Variants in SLMAP observed in about 807,000 individuals in gnomAD.
SLMAP encodes the protein sarcolemma associated protein.
In SLMAP, 44 loss-of-function variants were observed where a neutral mutation model predicts 128.8. That is an observed-to-expected ratio of 0.34 (90% CI 0.27 to 0.44). SLMAP has a LOEUF of 0.44. Ranked by LOEUF, SLMAP falls within the 20% of genes least tolerant of loss-of-function variation. SLMAP has a pLI of 1.00. For synonymous variants in SLMAP, 327 were observed against 348.8 expected (o/e 0.94, Z 0.70); for missense variants, 787 against 985.3 (o/e 0.80, Z 2.69).
intron 13 of SLMAP, among the ~76,000 whole-genome samples, chr3:57,866,810 G>A (rs2095315181): frequency 6.6e-6 from 1 of 152,078 alleles, no homozygotes; most frequent in Admixed American, 6.6e-5. Context: ...CTTGAGCCCA[G>A]GAGGTCGAGG....
At chr3:57,909,013 T>C (rs2096630696) in intron 18 of SLMAP, 63 bp from the exon 19 acceptor site, 8 of 1,173,376 alleles carry the variant, frequency 6.8e-6, no homozygotes, top group Non-Finnish European at 9.9e-6. Context: ...TTTCAGCTGC[T>C]CAACTCTGAG....
rs149846388 is a variant in SLMAP at position 57,786,258 on chromosome 3, T to A, written c.198+28409T>A. ...ATGGCAGCTCTGTCCATAGTTGTTC[T>A]CCTTTCAGGGGTTCAGGCTGAAGGA... is the stretch of plus-strand genomic sequence containing the variant. On this transcript the variant is annotated intron_variant, in intron 2 of 24. Coordinates refer to ENST00000671191, the MANE Select transcript of SLMAP (RefSeq NM_001377540.1). Among the ~76,000 whole-genome samples the A allele has an allele frequency of 9.2e-5, 14 of 152,306 alleles. No individual in the cohort carries two copies. The East Asian group carries it at 2.7e-3, about 29-fold the overall frequency.
chr3:57,839,728 T>G (rs1210740945), intron 3 of SLMAP, among the ~76,000 whole-genome samples: 1 of 152,104 alleles, frequency 6.6e-6, no homozygotes, highest in Non-Finnish European at 1.5e-5. Context: ...CTCAGCCTCC[T>G]GAGTAGCTGG....
chr3:57,922,621 G>A (rs2096938180), intron 22 of SLMAP, among the ~76,000 whole-genome samples: 1 of 151,976 alleles, frequency 6.6e-6, no homozygotes, highest in Admixed American at 6.6e-5. Flanking sequence ...TAGAGATGGG[G>A]TTTCTTCATG....
chr3:57,904,907 A>C lies in SLMAP; in HGVS notation c.1502-2977A>C, dbSNP rs113282112. 2.9e-3 allele frequency among the ~76,000 whole-genome samples: 440 copies of C among 152,230 alleles called. 3 individuals are homozygous for C. The highest frequency in any genetic ancestry group is 0.01 in the African/African-American group (421 of 41,506). On this transcript the variant is annotated intron_variant, in intron 17 of 24. Coordinates refer to ENST00000671191, the MANE Select transcript of SLMAP (RefSeq NM_001377540.1). ...CATAGCAAGACCCCATCTCTACAAA[A>C]AATTAAAAATTTTGCTGGGCATGGT...
In SLMAP at chr3:57,907,937, C is replaced by T; in HGVS notation, c.1555C>T (p.Leu519Phe). The T allele has an allele frequency of 6.2e-7, 1 of 1,613,876 alleles. No individual in the cohort carries two copies. Among genetic ancestry groups the T allele is most frequent in the South Asian group, 1.1e-5 (1 of 91,072 alleles). ...TGAGGCAAAGCAAGAAATACAGCATCTTCGAAAGGAATTGATCGAAGCCCA... is the reference window on the plus strand; with the variant it reads ...TGAGGCAAAGCAAGAAATACAGCATTTTCGAAAGGAATTGATCGAAGCCCA... The part of the protein sequence containing the change: ...EIEAKQEIQH[L>F]RKELIEAQEL... Residue 519 changes from leucine (L) to phenylalanine (F), a missense_variant, in exon 18 of 25, where the codon CTT becomes TTT. Physicochemically the swap from Leu to Phe is conservative, Grantham distance 22 (BLOSUM62 0). This residue lies in a region of SLMAP where 715 missense variants were observed against 843.6 expected (regional missense o/e 0.85). Coordinates refer to ENST00000671191, the MANE Select transcript of SLMAP (RefSeq NM_001377540.1).
intron 2 of SLMAP, among the ~76,000 whole-genome samples, chr3:57,773,056 G>T (rs573182936): frequency 6.6e-6 from 1 of 152,172 alleles, no homozygotes; most frequent in South Asian, 2.1e-4. Context: ...AAACGACAGC[G>T]TGTGTCATTT....
chr3:57,784,430 T>C (rs1409311053), intron 2 of SLMAP, among the ~76,000 whole-genome samples: 1 of 152,160 alleles, frequency 6.6e-6, no homozygotes, highest in Non-Finnish European at 1.5e-5. Flanking sequence ...TTGTTGTTTT[T>C]CTTGGGACCA....
intron 3 of SLMAP, among the ~76,000 whole-genome samples, chr3:57,838,212 C>T (rs962266016): frequency 2.0e-5 from 3 of 152,170 alleles, no homozygotes; most frequent in Admixed American, 6.5e-5. Flanking sequence ...GCTGGATCTT[C>T]ATGTTGTATT....
chr3:57,822,102 T>A (rs1186954791), intron 2 of SLMAP, among the ~76,000 whole-genome samples: 1 of 152,116 alleles, frequency 6.6e-6, no homozygotes, highest in Non-Finnish European at 1.5e-5. Flanking sequence ...TCCATATGAT[T>A]TTATGGATGT....
intron 3 of SLMAP, among the ~76,000 whole-genome samples, chr3:57,838,879 G>GAGCC (rs1301393514): frequency 2.0e-5 from 3 of 152,178 alleles, no homozygotes; most frequent in Non-Finnish European, 4.4e-5. Flanking sequence ...AGGAATGAAG[G>GAGCC]AGCCCAGTGG....
Position 57,757,361 on chromosome 3 carries a change from C to T in SLMAP, c.-291C>T, listed in dbSNP as rs1321541724. Reference sequence around the variant, plus strand: ...AGGAGTTTTCTTGGCCGAAGCTGCCCGATGTTTGAGCCTTTTCTTCCCAGA... The same window carrying T: ...AGGAGTTTTCTTGGCCGAAGCTGCCTGATGTTTGAGCCTTTTCTTCCCAGA... On this transcript the variant is annotated 5_prime_UTR_variant, in exon 2 of 25. The change creates a premature stop within an existing upstream ORF in the 5' untranslated region. Coordinates refer to ENST00000671191, the MANE Select transcript of SLMAP (RefSeq NM_001377540.1). 4 of 475,066 alleles carry T rather than the reference C, an allele frequency of 8.4e-6. No individual in the cohort carries two copies. Among genetic ancestry groups the T allele is most frequent in the Admixed American group, 7.0e-5 (2 of 28,744 alleles). The allele number at this position is 475,066 out of a possible 1,614,324, so 29.4% of individuals were successfully genotyped here.
At chr3:57,792,807 A>T (rs1267766787) in intron 2 of SLMAP, among the ~76,000 whole-genome samples, 3 of 152,268 alleles carry the variant, frequency 2.0e-5, no homozygotes, top group East Asian at 1.9e-4. Flanking sequence ...AAATGTAAAA[A>T]GTCTGGGCTA....
At chr3:57,832,042 G>A (rs536447265) in intron 3 of SLMAP, among the ~76,000 whole-genome samples, 12 of 152,328 alleles carry the variant, frequency 7.9e-5, no homozygotes, top group African/African-American at 2.2e-4. Context: ...AGGATGAGGC[G>A]GGGATAAAAT....
At position 57,833,586 on chromosome 3, in the gene SLMAP, ATT is replaced by A. The variant is rs1331984403; in HGVS notation, c.346+2060_346+2061del. 2.0e-5 allele frequency among the ~76,000 whole-genome samples: 3 copies of A among 151,990 alleles called. No homozygotes were observed. In the East Asian group the frequency reaches 5.8e-4, roughly 30 times the overall value. ...AGGTGCATGCCACCATGCCCAGCTAATTTTTGTATTTCTAGTAGAGACGGGGT... is the reference window on the plus strand; with the variant it reads ...AGGTGCATGCCACCATGCCCAGCTAATTTGTATTTCTAGTAGAGACGGGGT... On this transcript the variant is annotated intron_variant, in intron 3 of 24. Coordinates refer to ENST00000671191, the MANE Select transcript of SLMAP (RefSeq NM_001377540.1).
chr3:57,864,959 A>G (rs139852135), intron 12 of SLMAP, 102 bp downstream of exon 12: 3 of 917,792 alleles, frequency 3.3e-6, no homozygotes, highest in Non-Finnish European at 3.3e-6. Flanking sequence ...TGTTTTATGT[A>G]TTAGGTATAA....
chr3:57,803,143 A>G (rs1229305202), intron 2 of SLMAP, among the ~76,000 whole-genome samples: 1 of 152,208 alleles, frequency 6.6e-6, no homozygotes, highest in East Asian at 1.9e-4. Context: ...GAGCATCTAA[A>G]TAAACATTGA....
At chr3:57,902,234 CT>C (rs1208553329) in intron 17 of SLMAP, 1 of 151,854 alleles carries the variant, frequency 6.6e-6, no homozygotes, top group African/African-American at 2.4e-5. Flanking sequence ...TTAGTCTTGT[CT>C]TAAACATTTT....
intron 2 of SLMAP, among the ~76,000 whole-genome samples, chr3:57,795,090 A>G (rs1259201390): frequency 1.3e-5 from 2 of 152,188 alleles, no homozygotes; most frequent in East Asian, 3.8e-4. Flanking sequence ...TTTTGTAGCC[A>G]TCAGGTGGGT....
Sources: gnomAD v4.1 joint callset for allele counts (sites outside exome capture counted in the v4.1 genomes callset) on GRCh38, gnomAD v4.1.1 for gene constraint, gnomAD v4.1.1 regional missense constraint, MANE v1.5 for transcripts, NCBI Gene and HGNC (gene_info 2026-07-23, HGNC 2026-07-21) for gene names.